Variants in PSMB2 observed in about 807,000 individuals in gnomAD.
PSMB2 encodes the protein proteasome subunit beta type-2.
In PSMB2, 13 loss-of-function variants were observed where a neutral mutation model predicts 25.7. That is an observed-to-expected ratio of 0.51 (90% CI 0.33 to 0.80). The LOEUF is 0.80. Ranked by LOEUF, PSMB2 falls within the 30% of genes least tolerant of loss-of-function variation. The probability of loss-of-function intolerance (pLI) is 0.02; values close to 1 mark genes in which losing one functional copy is unlikely to be tolerated. For missense variants in PSMB2, 202 were observed against 259.0 expected, an observed-to-expected ratio of 0.78 and a Z score of 1.51; for synonymous variants, 87 against 96.2, an observed-to-expected ratio of 0.90 and a Z score of 0.56.
At chr1:35,622,321 C>G (rs1055556959) in intron 3 of PSMB2, among the ~76,000 whole-genome samples, 3 of 152,156 alleles carry the variant, frequency 2.0e-5, no homozygotes, top group African/African-American at 7.2e-5. Context: ...TATGCCTACC[C>G]AGACTGGGGC....
chr1:35,616,026 G>C (rs894121888), intron 3 of PSMB2, among the ~76,000 whole-genome samples: 13 of 152,194 alleles, frequency 8.5e-5, no homozygotes, highest in Non-Finnish European at 1.8e-4. Flanking sequence ...TTAGCACTGA[G>C]AGGATTTCAT....
chr1:35,601,320 CTCGGCGG>C lies in PSMB2; in HGVS notation c.*1940_*1946del, dbSNP rs1649991953. 1.0e-6 allele frequency: 1 copy of C among 954,022 alleles called. No individual in the cohort carries two copies. 59.1% of individuals were successfully genotyped at this position (954,022 alleles called of 1,614,324 possible). On this transcript the variant is annotated 3_prime_UTR_variant, in exon 6 of 6. Coordinates refer to ENST00000373237, the MANE Select transcript of PSMB2 (RefSeq NM_002794.5). ...TCCTGACCTCAGGTGATCCGCCCGC[CTCGGCGG>C]GCGGCCAAAGTGCTGGGATTACAGG...
At chr1:35,605,970 G>A (rs1650155782) in intron 4 of PSMB2, among the ~76,000 whole-genome samples, 1 of 152,204 alleles carries the variant, frequency 6.6e-6, no homozygotes, top group South Asian at 2.1e-4. Context: ...CGTGGCTAAG[G>A]TTGAGCGAGA....
intron 3 of PSMB2, among the ~76,000 whole-genome samples, chr1:35,628,629 A>ATTTTTTTTTTTTTTT (rs1401010119): frequency 4.6e-5 from 2 of 43,596 alleles, no homozygotes; most frequent in African/African-American, 2.2e-4. Flanking sequence ...ATATATATAT[A>ATTTTTTTTTTTTTTT]TATTTTTTTT....
chr1:35,618,075 G>C lies in PSMB2; in HGVS notation c.286-8667C>G, dbSNP rs75243160. Among the ~76,000 whole-genome samples, 5 of 152,212 alleles carry C rather than the reference G, an allele frequency of 3.3e-5. No individual in the cohort carries two copies. In the East Asian group the frequency reaches 9.6e-4, roughly 29 times the overall value. On this transcript the variant is annotated intron_variant, in intron 3 of 5. Coordinates refer to ENST00000373237, the MANE Select transcript of PSMB2 (RefSeq NM_002794.5). The stretch of plus-strand genomic sequence containing the variant: ...AAAGATAGACCGGGATTAGGACTGA[G>C]AGGAAGGGCGGATGGTTAGAGGATC...
At chr1:35,626,955 A>AT (rs1246230971) in intron 3 of PSMB2, among the ~76,000 whole-genome samples, 3 of 152,074 alleles carry the variant, frequency 2.0e-5, no homozygotes, top group South Asian at 2.1e-4. Context: ...CTACCAGGAG[A>AT]TTTTCCACCA....
intron 2 of PSMB2, among the ~76,000 whole-genome samples, chr1:35,634,814 A>G (rs114270235): frequency 1.3e-5 from 2 of 150,306 alleles, no homozygotes; most frequent in African/African-American, 4.9e-5. Context: ...TTTTTTTTAG[A>G]GACAGAGTCT....
chr1:35,605,322 C>A, intron 4 of PSMB2, 40 bp from the exon 5 acceptor site: 1 of 1,578,570 alleles, frequency 6.3e-7, no homozygotes, highest in South Asian at 1.1e-5. Context: ...CCGGTGCTGT[C>A]ATTATATCCA....
chr1:35,623,457 T>G (rs960006830), intron 3 of PSMB2, among the ~76,000 whole-genome samples: 4 of 152,162 alleles, frequency 2.6e-5, no homozygotes, highest in Non-Finnish European at 5.9e-5. Context: ...ATGAACATCT[T>G]GGTTTTCGTT....
At chr1:35,618,603 G>A (rs936032688) in intron 3 of PSMB2, among the ~76,000 whole-genome samples, 3 of 152,066 alleles carry the variant, frequency 2.0e-5, no homozygotes, top group Admixed American at 1.3e-4. Context: ...ACTGAAGAGC[G>A]AGCCACGTTA....
intron 1 of PSMB2, among the ~76,000 whole-genome samples, chr1:35,640,193 C>T (rs557450315): frequency 3.9e-5 from 6 of 152,174 alleles, no homozygotes; most frequent in Non-Finnish European, 8.8e-5. Context: ...TGATCAAAGA[C>T]GTGCTACTGT....
intron 2 of PSMB2, among the ~76,000 whole-genome samples, chr1:35,635,872 T>A (rs565499067): frequency 5.4e-5 from 8 of 146,902 alleles, no homozygotes; most frequent in South Asian, 4.4e-4. Flanking sequence ...ACCACATAAG[T>A]CTTAAAGAAT....
chr1:35,610,702 G>T (rs1220392275), intron 3 of PSMB2, among the ~76,000 whole-genome samples: 1 of 152,094 alleles, frequency 6.6e-6, no homozygotes, highest in Non-Finnish European at 1.5e-5. Context: ...CATCATGTTG[G>T]CCAGGTTGGT....
intron 3 of PSMB2, among the ~76,000 whole-genome samples, chr1:35,617,617 T>C (rs1650535043): frequency 6.6e-6 from 1 of 152,186 alleles, no homozygotes; most frequent in South Asian, 2.1e-4. Flanking sequence ...ATGATGAAGA[T>C]GGGAGTCTGG....
At chr1:35,636,687 A>G (rs1651253145) in intron 1 of PSMB2, among the ~76,000 whole-genome samples, 1 of 152,150 alleles carries the variant, frequency 6.6e-6, no homozygotes, top group Non-Finnish European at 1.5e-5. Context: ...ACAACTATTT[A>G]CATAGCACTT....
intron 3 of PSMB2, among the ~76,000 whole-genome samples, 180 bp from the exon 4 acceptor site, chr1:35,609,588 A>G (rs1650272495): frequency 6.6e-6 from 1 of 152,230 alleles, no homozygotes; most frequent in African/African-American, 2.4e-5. Flanking sequence ...TAACAGGTCA[A>G]GGGACGTCAG....
chr1:35,631,153 C>A, intron 3 of PSMB2, 121 bp downstream of exon 3: 2 of 846,746 alleles, frequency 2.4e-6, no homozygotes, highest in Non-Finnish European at 1.9e-6. Flanking sequence ...GAACAAGTAG[C>A]AACAGGAGGG....
At chr1:35,631,432 C>T in intron 2 of PSMB2, 88 bp from the exon 3 acceptor site, 1 of 1,582,024 alleles carries the variant, frequency 6.3e-7, no homozygotes, top group Non-Finnish European at 8.6e-7. Flanking sequence ...TTCCTAAAGC[C>T]CACCATCTTT....
At position 35,600,676 on chromosome 1, in the gene PSMB2, T is replaced by C. The variant is rs932146059; in HGVS notation, c.*2591A>G. ...ATGTCCCTAAATCTGGAGGGTGAGC[T>C]ATCTAGGAATGAGTTGATTTGGAGC... On this transcript the variant is annotated 3_prime_UTR_variant, in exon 6 of 6. Coordinates refer to ENST00000373237, the MANE Select transcript of PSMB2 (RefSeq NM_002794.5). The C allele has an allele frequency of 1.0e-6, 1 of 985,172 alleles. No homozygotes were observed. The highest frequency in any genetic ancestry group is 1.7e-5 in the African/African-American group (1 of 57,178). The allele number at this position is 985,172 out of a possible 1,614,324, so 61.0% of individuals were successfully genotyped here.
Sources: gnomAD v4.1 joint callset for allele counts (sites outside exome capture counted in the v4.1 genomes callset) on GRCh38, gnomAD v4.1.1 for gene constraint, MANE v1.5 for transcripts, NCBI Gene and HGNC (gene_info 2026-07-23, HGNC 2026-07-21) for gene names.